The following PRKCB variants were observed in gnomAD, a reference collection of about 807,000 sequenced individuals.
The protein encoded by PRKCB is protein kinase C beta.
PRKCB carries 13 observed loss-of-function variants against 81.5 expected under a neutral mutation model. The observed-to-expected ratio is 0.16, with a 90% CI of 0.10 to 0.25. The LOEUF (loss-of-function observed/expected upper bound fraction) is 0.25, where lower values mean the gene tolerates loss of function less well. Ranked by LOEUF, PRKCB falls within the 10% of genes least tolerant of loss-of-function variation. The probability of loss-of-function intolerance (pLI) is 1.00; values close to 1 mark genes in which losing one functional copy is unlikely to be tolerated. For missense variants in PRKCB, 509 were observed against 875.7 expected, an observed-to-expected ratio of 0.58 and a Z score of 5.29; for synonymous variants, 335 against 321.4, an observed-to-expected ratio of 1.04 and a Z score of -0.45.
intron 2 of PRKCB, among the ~76,000 whole-genome samples, chr16:23,898,046 A>G (rs1033367079): frequency 4.8e-5 from 7 of 144,930 alleles, no homozygotes; most frequent in African/African-American, 1.5e-4. Flanking sequence ...TTACAGGCAC[A>G]TGCACCACCA....
chr16:23,959,443 A>G (rs1201097289), intron 2 of PRKCB, among the ~76,000 whole-genome samples: 2 of 152,188 alleles, frequency 1.3e-5, no homozygotes, highest in Non-Finnish European at 2.9e-5. Flanking sequence ...GGTAGGACCA[A>G]AGAAAAACGG....
intron 7 of PRKCB, among the ~76,000 whole-genome samples, chr16:24,104,980 T>C (rs1278325385): frequency 6.6e-6 from 1 of 152,180 alleles, no homozygotes; most frequent in Non-Finnish European, 1.5e-5. Context: ...TTTTCCCTAG[T>C]AGGTCCTTTC....
intron 2 of PRKCB, among the ~76,000 whole-genome samples, chr16:23,880,874 A>G (rs1272613743): frequency 1.3e-5 from 2 of 152,180 alleles, no homozygotes; most frequent in African/African-American, 2.4e-5. Context: ...GGTCAAGATG[A>G]CATAAGAGAC....
chr16:24,082,585 A>G (rs1174098528), intron 5 of PRKCB, among the ~76,000 whole-genome samples: 1 of 152,208 alleles, frequency 6.6e-6, no homozygotes, highest in African/African-American at 2.4e-5. Flanking sequence ...TTTCAACAAA[A>G]GTGCGAAAAC....
chr16:23,903,875 G>A (rs915991961), intron 2 of PRKCB, among the ~76,000 whole-genome samples: 39 of 152,244 alleles, frequency 2.6e-4, no homozygotes, highest in Admixed American at 1.8e-3. Context: ...TGAGGTTAAG[G>A]ATCTCTGTTT....
chr16:24,185,789 G>A (rs894594649), intron 15 of PRKCB, among the ~76,000 whole-genome samples: 4 of 152,188 alleles, frequency 2.6e-5, no homozygotes, highest in Admixed American at 6.5e-5. Flanking sequence ...CTGCAGCTGC[G>A]TCTTGCTGCT....
At chr16:24,142,698 T>TG (rs1437270070) in intron 9 of PRKCB, among the ~76,000 whole-genome samples, 1 of 152,262 alleles carries the variant, frequency 6.6e-6, no homozygotes, top group Admixed American at 6.5e-5. Context: ...ACGGAAGGGC[T>TG]GGGGGAAGGA....
At chr16:24,058,810 T>C (rs1965937886) in intron 5 of PRKCB, among the ~76,000 whole-genome samples, 1 of 152,214 alleles carries the variant, frequency 6.6e-6, no homozygotes, top group South Asian at 2.1e-4. Context: ...TGACCTGATC[T>C]AGTTACCATG....
chr16:24,043,261 T>G (rs1251801367), intron 5 of PRKCB, among the ~76,000 whole-genome samples: 2 of 152,190 alleles, frequency 1.3e-5, no homozygotes, highest in Non-Finnish European at 2.9e-5. Context: ...GACATGAAAC[T>G]TAATAGTTGT....
intron 16 of PRKCB, among the ~76,000 whole-genome samples, chr16:24,193,596 T>C (rs974712432): frequency 6.6e-6 from 1 of 152,134 alleles, no homozygotes; most frequent in African/African-American, 2.4e-5. Flanking sequence ...ATTACAGGTG[T>C]GAGCCACTGC....
At chr16:24,187,593 A>G (rs1967723218) in intron 15 of PRKCB, among the ~76,000 whole-genome samples, 1 of 152,106 alleles carries the variant, frequency 6.6e-6, no homozygotes, top group African/African-American at 2.4e-5. Context: ...AAAGTAGGGG[A>G]TTTTGGAGAT....
intron 5 of PRKCB, among the ~76,000 whole-genome samples, chr16:24,046,159 T>A (rs939284288): frequency 2.0e-5 from 3 of 152,366 alleles, no homozygotes; most frequent in Admixed American, 1.3e-4. Flanking sequence ...CTGGGGAGCT[T>A]CCTAGTCATT....
At chr16:24,060,328 A>G (rs1230335856) in intron 5 of PRKCB, among the ~76,000 whole-genome samples, 1 of 152,148 alleles carries the variant, frequency 6.6e-6, no homozygotes, top group East Asian at 1.9e-4. Flanking sequence ...GGGCCTTCAC[A>G]GCGCTTAGTG....
intron 5 of PRKCB, among the ~76,000 whole-genome samples, chr16:24,043,522 C>T (rs1965727538): frequency 6.6e-6 from 1 of 152,020 alleles, no homozygotes; most frequent in Non-Finnish European, 1.5e-5. Flanking sequence ...GTCTGCACAC[C>T]CCATGAGGCC....
chr16:23,958,867 G>A (rs764059578), intron 2 of PRKCB, among the ~76,000 whole-genome samples: 12 of 151,836 alleles, frequency 7.9e-5, no homozygotes, highest in African/African-American at 2.2e-4. Context: ...AATCAAGTTC[G>A]TCTGTTGCCT....
chr16:24,213,255 G>A (rs140005026), intron 16 of PRKCB, among the ~76,000 whole-genome samples: 4,327 of 151,880 alleles, frequency 0.028, 183 homozygotes, highest in African/African-American at 0.096. Flanking sequence ...GGATGGTCTC[G>A]ATCTCCTGAC....
chr16:24,028,737 G>A (rs887545895), intron 3 of PRKCB, among the ~76,000 whole-genome samples: 1 of 152,030 alleles, frequency 6.6e-6, no homozygotes, highest in East Asian at 1.9e-4. Context: ...CGACATTTGG[G>A]TCCTTTCCAG....
chr16:24,150,274 A>T (rs1160030404), intron 9 of PRKCB, among the ~76,000 whole-genome samples: 1 of 152,164 alleles, frequency 6.6e-6, no homozygotes, highest in Admixed American at 6.6e-5. Context: ...GTGAACGAAG[A>T]TCATGCCACT....
At chr16:24,032,043 T>C (rs1251565605) in intron 3 of PRKCB, 93 bp from the exon 4 acceptor site, 1 of 854,760 alleles carries the variant, frequency 1.2e-6, no homozygotes, top group African/African-American at 1.7e-5. Context: ...CAAGTTCAGT[T>C]CTTGGTGAGT....
Sources: allele counts gnomAD v4.1 joint callset (sites outside exome capture counted in the v4.1 genomes callset), GRCh38; gene constraint gnomAD v4.1.1; transcripts MANE v1.5; gene names NCBI Gene and HGNC (gene_info 2026-07-23, HGNC 2026-07-21).